Variants in CELF4 observed in about 807,000 individuals in gnomAD.
CELF4 encodes CUG-BP- and ETR-3-like factor 4.
In CELF4, 18 loss-of-function variants were observed where a neutral mutation model predicts 59.9. That is an observed-to-expected ratio of 0.30 (90% CI 0.21 to 0.45). The LOEUF (loss-of-function observed/expected upper bound fraction) is 0.45. Among genes scored for constraint, CELF4 ranks in the 20% least tolerant of loss-of-function variants. CELF4 has a pLI of 1.00. For missense variants in CELF4, 456 were observed against 689.0 expected (o/e 0.66, Z 3.79); for synonymous variants, 261 against 267.1 (o/e 0.98, Z 0.22).
intron 3 of CELF4, among the ~76,000 whole-genome samples, chr18:37,321,144 G>A (rs544585282): frequency 1.3e-5 from 2 of 152,254 alleles, no homozygotes; most frequent in East Asian, 3.9e-4. Context: ...ACTTGGTGAC[G>A]GAGCTGCCCC....
chr18:37,265,210 CGT>C lies in CELF4; in HGVS notation c.1166-455_1166-454del, dbSNP rs879404951. Among the ~76,000 whole-genome samples, 11 of 148,782 alleles carry C rather than the reference CGT, an allele frequency of 7.4e-5. No homozygotes were observed. The South Asian group carries it at 1.5e-3, about 20-fold the overall frequency. Reference sequence around the variant, plus strand: ...GTACATGCACGTGTGTGGGTGTGTACGTGTGTGTACGTGTGTGCGCGCACGTG... The same window carrying C: ...GTACATGCACGTGTGTGGGTGTGTACGTGTGTACGTGTGTGCGCGCACGTG... On this transcript the variant is annotated intron_variant, in intron 9 of 12. Transcript: ENST00000420428.
chr18:37,397,910 T>A (rs544140722), intron 2 of CELF4, among the ~76,000 whole-genome samples: 2 of 152,268 alleles, frequency 1.3e-5, no homozygotes, highest in African/African-American at 4.8e-5. Flanking sequence ...TCCTTGGATG[T>A]GCTTTGTTCC....
At chr18:37,354,236 C>T (rs957819193) in intron 2 of CELF4, among the ~76,000 whole-genome samples, 4 of 152,144 alleles carry the variant, frequency 2.6e-5, no homozygotes, top group African/African-American at 9.7e-5. Context: ...CACCGTTATC[C>T]CCATTTTACA....
rs140773767 is a variant in CELF4 at position 37,555,952 on chromosome 18, G to C, written c.286+9404C>G. On this transcript the variant is annotated intron_variant, in intron 1 of 12. Transcript: ENST00000420428. ...TGTTCACGTGTATGTAAGTGTGCGT[G>C]TGACTGTGTGTATGAGTGTGTGTGT... is the stretch of plus-strand genomic sequence containing the variant. 4.1e-3 allele frequency among the ~76,000 whole-genome samples: 631 copies of C among 152,280 alleles called. 2 individuals carry two copies. The highest frequency in any genetic ancestry group is 6.3e-3 in the Non-Finnish European group (427 of 68,016).
At chr18:37,384,307 C>A (rs557829705) in intron 2 of CELF4, among the ~76,000 whole-genome samples, 7 of 152,180 alleles carry the variant, frequency 4.6e-5, no homozygotes, top group Non-Finnish European at 7.4e-5. Flanking sequence ...CAATCTGGAC[C>A]CAGTCGGGTT....
chr18:37,390,592 C>T (rs2099148485), intron 2 of CELF4, among the ~76,000 whole-genome samples: 1 of 151,936 alleles, frequency 6.6e-6, no homozygotes, highest in African/African-American at 2.4e-5. Context: ...GGCTTGGCAA[C>T]AGTGCTGGTG....
intron 2 of CELF4, among the ~76,000 whole-genome samples, chr18:37,476,671 T>G (rs1663495872): frequency 6.6e-6 from 1 of 152,180 alleles, no homozygotes; most frequent in Non-Finnish European, 1.5e-5. Flanking sequence ...CCCACACACA[T>G]GCGCCCAGCA....
chr18:37,401,050 C>T (rs1318382267), intron 2 of CELF4, among the ~76,000 whole-genome samples: 1 of 152,170 alleles, frequency 6.6e-6, no homozygotes, highest in East Asian at 1.9e-4. Flanking sequence ...GGGGGTCCTT[C>T]CTTGGCTGCT....
At chr18:37,458,954 G>A (rs551858849) in intron 2 of CELF4, among the ~76,000 whole-genome samples, 4 of 152,234 alleles carry the variant, frequency 2.6e-5, no homozygotes, top group Non-Finnish European at 5.9e-5. Context: ...GAGCTCATCA[G>A]TATCCACAAA....
At chr18:37,548,655 G>A (rs1341659299) in intron 1 of CELF4, among the ~76,000 whole-genome samples, 2 of 152,160 alleles carry the variant, frequency 1.3e-5, no homozygotes, top group Non-Finnish European at 2.9e-5. Flanking sequence ...TTTAACTTTT[G>A]CACCGTGTTT....
At chr18:37,457,975 G>A (rs529571468) in intron 2 of CELF4, among the ~76,000 whole-genome samples, 10 of 152,132 alleles carry the variant, frequency 6.6e-5, no homozygotes, top group Non-Finnish European at 1.2e-4. Context: ...GATTCACACC[G>A]AGGTGTCAGG....
chr18:37,370,035 C>G (rs570339675), intron 2 of CELF4, among the ~76,000 whole-genome samples: 1 of 152,356 alleles, frequency 6.6e-6, no homozygotes, highest in South Asian at 2.1e-4. Context: ...CAGCCTAGTC[C>G]TCTGGCTTGC....
intron 2 of CELF4, among the ~76,000 whole-genome samples, chr18:37,376,004 G>A (rs1436666676): frequency 1.8e-4 from 27 of 152,144 alleles, no homozygotes; most frequent in Admixed American, 1.5e-3. Flanking sequence ...GATGTGACCC[G>A]GGACCAGATG....
intron 1 of CELF4, among the ~76,000 whole-genome samples, chr18:37,551,742 T>A (rs114595826): frequency 2.0e-5 from 3 of 152,098 alleles, no homozygotes; most frequent in Admixed American, 6.5e-5. Context: ...TGGGCTGCAA[T>A]TGGGACAGCT....
chr18:37,407,749 T>G (rs553693224), intron 2 of CELF4, among the ~76,000 whole-genome samples: 2 of 152,252 alleles, frequency 1.3e-5, no homozygotes, highest in African/African-American at 4.8e-5. Context: ...GCATCTGTCC[T>G]TCCCTCCCCT....
chr18:37,495,241 C>G (rs1433225846), intron 1 of CELF4, among the ~76,000 whole-genome samples: 1 of 152,144 alleles, frequency 6.6e-6, no homozygotes, highest in Non-Finnish European at 1.5e-5. Flanking sequence ...AAGGGGCTCT[C>G]AGAGGCCTCC....
chr18:37,471,562 T>G (rs2099831068), intron 2 of CELF4, among the ~76,000 whole-genome samples: 1 of 152,056 alleles, frequency 6.6e-6, no homozygotes, highest in Non-Finnish European at 1.5e-5. Context: ...TCCACCTAGA[T>G]CCTGCCGATC....
rs1318484918 is a variant in CELF4, at chr18:37,244,278, A to G, written c.*964T>C. On this transcript the variant is annotated 3_prime_UTR_variant, in exon 13 of 13. Transcript: ENST00000420428. ...TATGATTTTAAGAGGGGGAAGAGTT[A>G]GAAGCATTTACAGACTTTTCACAAC... 1.3e-5 allele frequency: 2 copies of G among 152,210 alleles called. No individual in the cohort carries two copies. The highest frequency in any genetic ancestry group is 6.6e-5 in the Admixed American group (1 of 15,262). 9.4% of individuals were successfully genotyped at this position (152,210 alleles called of 1,614,324 possible). A position where few individuals can be genotyped will look rare whatever the true frequency, so the allele number is the denominator to read the frequency against.
At chr18:37,483,343 G>A (rs1005455826) in intron 2 of CELF4, among the ~76,000 whole-genome samples, 11 of 152,142 alleles carry the variant, frequency 7.2e-5, no homozygotes, top group Admixed American at 7.2e-4. Flanking sequence ...GCTGCAATCC[G>A]GTCTTTTATT....
Sources: allele counts gnomAD v4.1 joint callset (sites outside exome capture counted in the v4.1 genomes callset), GRCh38; gene constraint gnomAD v4.1.1; transcripts MANE v1.5; gene names NCBI Gene and HGNC (gene_info 2026-07-23, HGNC 2026-07-21).